Variants in EIF2A observed in about 807,000 individuals in gnomAD.
EIF2A encodes the protein eukaryotic translation initiation factor 2A.
A neutral mutation model predicts 75.2 loss-of-function variants in EIF2A; 62 were observed. The ratio of observed to expected loss-of-function variants is 0.82; its 90% CI spans 0.67 to 1.02. EIF2A has a LOEUF of 1.02. Among genes scored for constraint, EIF2A ranks in the 50% least tolerant of loss-of-function variants. The pLI is 0.00. For synonymous variants in EIF2A, 207 were observed against 239.0 expected (o/e 0.87, Z 1.23); for missense variants, 611 against 677.7 (o/e 0.90, Z 1.09).
chr3:150,571,014 C>T (rs1158914122), intron 9 of EIF2A, among the ~76,000 whole-genome samples: 3 of 151,366 alleles, frequency 2.0e-5, no homozygotes, highest in East Asian at 2.0e-4. Flanking sequence ...TGCATTGAGC[C>T]GAGACCGTGC....
At chr3:150,569,854 G>A (rs1402038596) in intron 9 of EIF2A, among the ~76,000 whole-genome samples, 1 of 152,104 alleles carries the variant, frequency 6.6e-6, no homozygotes, top group African/African-American at 2.4e-5. Context: ...AAGACAGTTT[G>A]GTTGTGGTAT....
chr3:150,556,048 CT>C (rs949087802), intron 2 of EIF2A, among the ~76,000 whole-genome samples: 64 of 152,310 alleles, frequency 4.2e-4, no homozygotes, highest in Non-Finnish European at 8.1e-4. Context: ...GCCAGAGCTC[CT>C]CCATGTGCTG....
At chr3:150,551,249 T>TA (rs1723299632) in intron 1 of EIF2A, among the ~76,000 whole-genome samples, 1 of 152,246 alleles carries the variant, frequency 6.6e-6, no homozygotes, top group African/African-American at 2.4e-5. Context: ...TTTGGCCAAT[T>TA]ATTTGATTAC....
chr3:150,583,395 T>A, intron 13 of EIF2A, 130 bp downstream of exon 13: 1 of 765,826 alleles, frequency 1.3e-6, no homozygotes, highest in East Asian at 2.9e-5. Context: ...ATATGCCATA[T>A]TCTTTTTAAT....
intron 11 of EIF2A, among the ~76,000 whole-genome samples, chr3:150,578,563 T>G (rs1248912764): frequency 1.3e-5 from 2 of 152,040 alleles, no homozygotes; most frequent in African/African-American, 2.4e-5. Flanking sequence ...ACCTGTCAGT[T>G]TTTTTTAAAA....
intron 1 of EIF2A, among the ~76,000 whole-genome samples, chr3:150,547,654 T>C (rs753655647): frequency 6.6e-6 from 1 of 152,214 alleles, no homozygotes; most frequent in East Asian, 1.9e-4. Flanking sequence ...AAAGGTTGTC[T>C]GCATTTAAGG....
intron 6 of EIF2A, chr3:150,564,757 C>T (rs1434715491): frequency 1.1e-5 from 2 of 181,820 alleles, no homozygotes; most frequent in Non-Finnish European, 2.3e-5. Context: ...CCATACATCT[C>T]TCCAGCTACC....
intron 2 of EIF2A, 41 bp from the exon 3 acceptor site, chr3:150,558,347 A>G: frequency 1.4e-6 from 2 of 1,439,658 alleles, no homozygotes; most frequent in East Asian, 5.5e-5. Context: ...GAAAAGTATT[A>G]ATGCTTATTC....
At chr3:150,562,255 T>C (rs1233145790) in intron 3 of EIF2A, among the ~76,000 whole-genome samples, 2 of 151,824 alleles carry the variant, frequency 1.3e-5, no homozygotes, top group Non-Finnish European at 2.9e-5. Flanking sequence ...ACCCCATCTC[T>C]ACTAAAAATA....
intron 6 of EIF2A, chr3:150,565,052 T>C (rs972064314): frequency 1.1e-5 from 4 of 376,682 alleles, no homozygotes; most frequent in Non-Finnish European, 2.1e-5. Context: ...GTTCCCACTC[T>C]ATCTGTTATT....
intron 10 of EIF2A, among the ~76,000 whole-genome samples, chr3:150,573,832 A>G (rs1325861453): frequency 6.6e-6 from 1 of 152,194 alleles, no homozygotes; most frequent in Non-Finnish European, 1.5e-5. Flanking sequence ...CTCACAGAAA[A>G]AAGTTTTTTA....
intron 12 of EIF2A, among the ~76,000 whole-genome samples, chr3:150,582,808 T>A (rs149305330): frequency 6.6e-6 from 1 of 152,046 alleles, no homozygotes; most frequent in Non-Finnish European, 1.5e-5. Context: ...CATTATGAGG[T>A]TTCTCTTTCA....
At chr3:150,582,682 GT>G (rs1296851660) in intron 12 of EIF2A, among the ~76,000 whole-genome samples, 1 of 152,128 alleles carries the variant, frequency 6.6e-6, no homozygotes, top group Non-Finnish European at 1.5e-5. Flanking sequence ...ATTTATCCTA[GT>G]TTTGAAGATG....
chr3:150,577,177 AT>A (rs1559885504), intron 11 of EIF2A, among the ~76,000 whole-genome samples: 2 of 152,158 alleles, frequency 1.3e-5, no homozygotes, highest in African/African-American at 4.8e-5. Context: ...GGTCTCTTTT[AT>A]AAAGCTACTA....
chr3:150,546,980 A>G, intron 1 of EIF2A, 150 bp downstream of exon 1: 2 of 1,057,468 alleles, frequency 1.9e-6, no homozygotes, highest in South Asian at 1.5e-5. Context: ...TTCTTGATAT[A>G]GCGTGGCAAT....
At chr3:150,581,810 A>G in intron 12 of EIF2A, 64 bp downstream of exon 12, 1 of 1,523,354 alleles carries the variant, frequency 6.6e-7, no homozygotes, top group Non-Finnish European at 8.9e-7. Flanking sequence ...TAAGTAAGAG[A>G]GTACTTAGAT....
chr3:150,583,666 T>C (rs531747107), intron 13 of EIF2A, among the ~76,000 whole-genome samples, 180 bp from the exon 14 acceptor site: 2 of 152,328 alleles, frequency 1.3e-5, no homozygotes, highest in Non-Finnish European at 2.9e-5. Context: ...ACAGTGTCTG[T>C]TCTTTTCACC....
At chr3:150,580,723 C>T (rs1047838728) in intron 11 of EIF2A, among the ~76,000 whole-genome samples, 1 of 152,168 alleles carries the variant, frequency 6.6e-6, no homozygotes, top group Non-Finnish European at 1.5e-5. Flanking sequence ...AGCATCACTA[C>T]TCTGCACTTT....
chr3:150,572,499 A>T lies in EIF2A; in HGVS notation c.1353A>T (p.Leu451Phe). The part of the protein sequence containing the change: ...KVATAYRPPA[L>F]RNKPITNSKL... ...CAACAGCTTATAGACCCCCAGCTTT[A>T]AGAAATAAACCAATCACCAATTCCA... The change falls in exon 10 of 14, where the codon TTA (leucine) becomes TTT (phenylalanine). Residue 451 changes from leucine to phenylalanine, a missense_variant. Transcript: ENST00000460851. 1 of 1,610,652 alleles carries T rather than the reference A, an allele frequency of 6.2e-7. No individual in the cohort carries two copies. The highest frequency in any genetic ancestry group is 8.5e-7 in the Non-Finnish European group (1 of 1,178,822).
Sources: gnomAD v4.1 joint callset for allele counts (sites outside exome capture counted in the v4.1 genomes callset) on GRCh38, gnomAD v4.1.1 for gene constraint, MANE v1.5 for transcripts, NCBI Gene and HGNC (gene_info 2026-07-23, HGNC 2026-07-21) for gene names.